Variants in GRIK1 observed in about 807,000 individuals in gnomAD.
GRIK1 encodes glutamate ionotropic receptor kainate type subunit 1, also known as glutamate receptor ionotropic, kainate 1.
In GRIK1, 69 loss-of-function variants were observed where a neutral mutation model predicts 105.7. The ratio of observed to expected loss-of-function variants is 0.65; its 90% CI spans 0.54 to 0.80. The LOEUF (loss-of-function observed/expected upper bound fraction) is 0.80, where lower values mean the gene tolerates loss of function less well. GRIK1 is among the 30% of genes least tolerant of loss of function. The pLI is 0.00. For missense variants in GRIK1, 1,109 were observed against 1,167.3 expected (o/e 0.95, Z 0.73); for synonymous variants, 438 against 431.3 (o/e 1.02, Z -0.19).
chr21:29,798,078 A>C (rs2066606119), intron 1 of GRIK1, among the ~76,000 whole-genome samples: 1 of 152,234 alleles, frequency 6.6e-6, no homozygotes, highest in Non-Finnish European at 1.5e-5. Flanking sequence ...GCATCTACTC[A>C]ACATGATGAG....
At chr21:29,889,226 G>T (rs2069798296) in intron 1 of GRIK1, among the ~76,000 whole-genome samples, 1 of 152,098 alleles carries the variant, frequency 6.6e-6, no homozygotes, top group South Asian at 2.1e-4. Context: ...AAATGGGAAA[G>T]TTAGAATACA....
chr21:29,728,069 C>T (rs1287148027), intron 1 of GRIK1, among the ~76,000 whole-genome samples: 1 of 152,186 alleles, frequency 6.6e-6, no homozygotes, highest in Admixed American at 6.5e-5. Context: ...CTTTACTCAT[C>T]TACTGATTCA....
intron 1 of GRIK1, among the ~76,000 whole-genome samples, chr21:29,840,951 G>A (rs1332415820): frequency 1.3e-5 from 2 of 152,108 alleles, no homozygotes; most frequent in Non-Finnish European, 2.9e-5. Context: ...AATTAGACAT[G>A]GCTTAGCAAC....
chr21:29,610,148 G>A (rs978529634), intron 7 of GRIK1, among the ~76,000 whole-genome samples: 12 of 152,186 alleles, frequency 7.9e-5, no homozygotes, highest in African/African-American at 2.4e-4. Flanking sequence ...TCTATCAGAT[G>A]TTGGGCACTC....
chr21:29,557,354 C>A (rs1296962875), intron 15 of GRIK1, among the ~76,000 whole-genome samples: 1 of 152,130 alleles, frequency 6.6e-6, no homozygotes, highest in African/African-American at 2.4e-5. Flanking sequence ...GTACACATTC[C>A]ATTTTAGAAT....
intron 1 of GRIK1, among the ~76,000 whole-genome samples, chr21:29,846,810 A>G (rs956459822): frequency 6.6e-6 from 1 of 151,650 alleles, no homozygotes; most frequent in Non-Finnish European, 1.5e-5. Flanking sequence ...AGTTTTAATT[A>G]TTTTCTTGTG....
At chr21:29,660,258 G>A (rs1249734393) in intron 4 of GRIK1, among the ~76,000 whole-genome samples, 1 of 152,092 alleles carries the variant, frequency 6.6e-6, no homozygotes, top group Non-Finnish European at 1.5e-5. Context: ...TATCATGTAC[G>A]GCCTGAGCAG....
intron 1 of GRIK1, among the ~76,000 whole-genome samples, chr21:29,705,565 C>T (rs2063889438): frequency 6.6e-6 from 1 of 152,180 alleles, no homozygotes; most frequent in South Asian, 2.1e-4. Context: ...AAATAATTTG[C>T]AGTCTTAAAT....
chr21:29,721,704 G>A (rs142957827), intron 1 of GRIK1, among the ~76,000 whole-genome samples: 111 of 152,200 alleles, frequency 7.3e-4, no homozygotes, highest in African/African-American at 2.4e-3. Flanking sequence ...TTAGAAGCAG[G>A]GTGTCCCAGG....
At chr21:29,548,603 T>TG (rs1379969166) in intron 16 of GRIK1, among the ~76,000 whole-genome samples, 12 of 152,330 alleles carry the variant, frequency 7.9e-5, no homozygotes, top group African/African-American at 2.9e-4. Context: ...TGTTAAAGGC[T>TG]GTTCAGACTC....
rs2062727400 is a variant in GRIK1 at position 29,651,159 on chromosome 21, G to A, written c.913C>T (p.Pro305Ser). The A allele has an allele frequency of 1.2e-6, 2 of 1,613,426 alleles. No homozygotes were observed. The highest frequency in any genetic ancestry group is 1.7e-4 in the Middle Eastern group (1 of 6,058). Residue 305 changes from proline (P) to serine (S), a missense_variant, in exon 6 of 18, where the codon CCA (proline) becomes TCA (serine). Physicochemically the swap from Pro to Ser is moderately conservative, Grantham distance 74. Transcript: ENST00000327783. ...AAAAGGCCAGTCTCGGGCCTGGGTG[G>A]GGCCTGCAGTCTCTCCATGGACCAC... ...EKWSMERLQA[P>S]PRPETGLLDG... is the part of the protein sequence containing the mutation.
chr21:29,780,165 A>C (rs908953146), intron 1 of GRIK1, among the ~76,000 whole-genome samples: 5 of 152,226 alleles, frequency 3.3e-5, no homozygotes, highest in Admixed American at 3.3e-4. Context: ...ATTGGATGCC[A>C]GCTAGTATCT....
intron 3 of GRIK1, among the ~76,000 whole-genome samples, chr21:29,678,604 C>A (rs572034926): frequency 6.6e-6 from 1 of 151,712 alleles, no homozygotes; most frequent in Non-Finnish European, 1.5e-5. Context: ...GTCAAAGAAC[C>A]GAGGTGGGAG....
At chr21:29,926,608 GTTAA>G (rs1023634581) in intron 1 of GRIK1, among the ~76,000 whole-genome samples, 21 of 151,836 alleles carry the variant, frequency 1.4e-4, no homozygotes, top group African/African-American at 5.1e-4. Context: ...CACTATTGTT[GTTAA>G]TTTATTTATG....
At chr21:29,727,815 A>G (rs1314905997) in intron 1 of GRIK1, among the ~76,000 whole-genome samples, 1 of 152,216 alleles carries the variant, frequency 6.6e-6, no homozygotes. Context: ...TCACACAGTT[A>G]TGGAGGCTGT....
intron 1 of GRIK1, among the ~76,000 whole-genome samples, chr21:29,706,437 T>G (rs1307478001): frequency 6.6e-6 from 1 of 152,230 alleles, no homozygotes; most frequent in African/African-American, 2.4e-5. Flanking sequence ...CTGTATTTAC[T>G]ATTGTTCATA....
intron 7 of GRIK1, among the ~76,000 whole-genome samples, chr21:29,604,716 C>T (rs916556150): frequency 6.6e-6 from 1 of 152,118 alleles, no homozygotes; most frequent in African/African-American, 2.4e-5. Context: ...TAGGAAAGAG[C>T]TTTATTTTCT....
chr21:29,630,171 T>G (rs141773410), intron 7 of GRIK1, among the ~76,000 whole-genome samples: 312 of 152,208 alleles, frequency 2.0e-3, no homozygotes, highest in African/African-American at 7.2e-3. Flanking sequence ...AGGAGGTAGA[T>G]AGATAAATAA....
intron 1 of GRIK1, 116 bp downstream of exon 1, chr21:29,939,267 C>T (rs1162066529): frequency 9.2e-6 from 6 of 654,752 alleles, no homozygotes; most frequent in South Asian, 3.5e-5. Flanking sequence ...TGACCTCCAC[C>T]TTCCCCAGCT....
Sources: allele counts gnomAD v4.1 joint callset (sites outside exome capture counted in the v4.1 genomes callset), GRCh38; gene constraint gnomAD v4.1.1; transcripts MANE v1.5; gene names NCBI Gene and HGNC (gene_info 2026-07-23, HGNC 2026-07-21).